SUMF1: variants seen among roughly 807,000 people sequenced by gnomAD.
The protein encoded by SUMF1 is formylglycine-generating enzyme.
SUMF1 carries 48 observed loss-of-function variants against 47.6 expected under a neutral mutation model. That is an observed-to-expected ratio of 1.01 (90% CI 0.80 to 1.28). The LOEUF (loss-of-function observed/expected upper bound fraction) is 1.28, where lower values mean the gene tolerates loss of function less well. SUMF1 is among the 50% of genes most tolerant of loss of function. The pLI is 0.00. For missense variants in SUMF1, 571 were observed against 485.4 expected, an observed-to-expected ratio of 1.18 and a Z score of -1.66; for synonymous variants, 230 against 192.1, an observed-to-expected ratio of 1.20 and a Z score of -1.63.
chr3:4,155,130 C>T (rs1353249145), intron 8 of SUMF1, among the ~76,000 whole-genome samples: 1 of 151,504 alleles, frequency 6.6e-6, no homozygotes, highest in East Asian at 1.9e-4. Context: ...AACCTTCTTT[C>T]TATAGCTCCT....
At chr3:4,098,151 G>C (rs1436717105) in intron 8 of SUMF1, among the ~76,000 whole-genome samples, 1 of 152,086 alleles carries the variant, frequency 6.6e-6, no homozygotes, top group Non-Finnish European at 1.5e-5. Context: ...AGTTCACTGA[G>C]AAGTAGTGGG....
At chr3:4,059,497 A>T (rs1559434274) in intron 9 of SUMF1, among the ~76,000 whole-genome samples, 1 of 152,174 alleles carries the variant, frequency 6.6e-6, no homozygotes, top group Non-Finnish European at 1.5e-5. Context: ...AGTTCTGCCT[A>T]TGACTGAATA....
chr3:4,133,556 G>T (rs1693843651), intron 8 of SUMF1, among the ~76,000 whole-genome samples: 1 of 152,056 alleles, frequency 6.6e-6, no homozygotes, highest in Non-Finnish European at 1.5e-5. Context: ...CCTTAATCTG[G>T]GTGGGCACAA....
At chr3:4,174,445 C>G (rs1307240251) in intron 8 of SUMF1, among the ~76,000 whole-genome samples, 1 of 151,686 alleles carries the variant, frequency 6.6e-6, no homozygotes, top group Non-Finnish European at 1.5e-5. Context: ...GCCTGTTATC[C>G]CAGGGGATAA....
intron 9 of SUMF1, among the ~76,000 whole-genome samples, chr3:4,041,677 G>T (rs1271713910): frequency 1.3e-5 from 2 of 152,172 alleles, no homozygotes; most frequent in African/African-American, 4.8e-5. Context: ...CATTCTACAG[G>T]TAAGTTACAA....
At chr3:4,291,940 A>G (rs1697750247) in intron 8 of SUMF1, among the ~76,000 whole-genome samples, 1 of 152,144 alleles carries the variant, frequency 6.6e-6, no homozygotes. Context: ...CAGCTACCTC[A>G]TCCCAATGCT....
intron 9 of SUMF1, among the ~76,000 whole-genome samples, chr3:4,038,221 C>T (rs995977025): frequency 5.3e-5 from 8 of 152,110 alleles, no homozygotes; most frequent in Non-Finnish European, 8.8e-5. Context: ...CCTGGGGGCT[C>T]CACCCCAGAG....
intron 7 of SUMF1, among the ~76,000 whole-genome samples, chr3:4,383,305 G>A (rs1019924169): frequency 6.6e-6 from 1 of 152,112 alleles, no homozygotes; most frequent in African/African-American, 2.4e-5. Context: ...CTTGAACCCG[G>A]GAGGCGGAGG....
chr3:4,219,638 T>G (rs1314855097), intron 8 of SUMF1, among the ~76,000 whole-genome samples: 2 of 152,144 alleles, frequency 1.3e-5, no homozygotes, highest in Non-Finnish European at 2.9e-5. Flanking sequence ...TTTCCACCAT[T>G]TGAGTTTACT....
chr3:4,338,127 C>A (rs1324338552), intron 8 of SUMF1, among the ~76,000 whole-genome samples: 1 of 152,076 alleles, frequency 6.6e-6, no homozygotes, highest in African/African-American at 2.4e-5. Context: ...GAGCTTGGCA[C>A]AGTGGTGCAT....
At chr3:4,414,409 T>TGC (rs1559284149) in intron 6 of SUMF1, among the ~76,000 whole-genome samples, 55 of 152,338 alleles carry the variant, frequency 3.6e-4, no homozygotes, top group African/African-American at 1.3e-3. Context: ...GTCCATCTCA[T>TGC]TATCAAAGTT....
chr3:4,234,982 G>A (rs757622433), intron 8 of SUMF1, among the ~76,000 whole-genome samples: 8 of 152,068 alleles, frequency 5.3e-5, no homozygotes, highest in East Asian at 1.9e-4. Context: ...TAACAGGAAC[G>A]TAACATTGAC....
At chr3:4,193,451 G>A (rs1695363779) in intron 8 of SUMF1, among the ~76,000 whole-genome samples, 1 of 152,124 alleles carries the variant, frequency 6.6e-6, no homozygotes, top group Non-Finnish European at 1.5e-5. Flanking sequence ...AGTGCAGGTG[G>A]ACTGGGGACA....
At chr3:4,209,067 T>A (rs1418128589) in intron 8 of SUMF1, among the ~76,000 whole-genome samples, 2 of 152,142 alleles carry the variant, frequency 1.3e-5, no homozygotes, top group Admixed American at 1.3e-4. Context: ...CAGTATGATT[T>A]CTTCCTTAAA....
intron 8 of SUMF1, among the ~76,000 whole-genome samples, chr3:4,372,361 A>C (rs1700195329): frequency 6.6e-6 from 1 of 152,220 alleles, no homozygotes; most frequent in African/African-American, 2.4e-5. Context: ...AAAATAAGTC[A>C]TCATCTAAAA....
At chr3:4,197,080 A>G (rs1695444240) in intron 8 of SUMF1, among the ~76,000 whole-genome samples, 1 of 152,142 alleles carries the variant, frequency 6.6e-6, no homozygotes, top group African/African-American at 2.4e-5. Flanking sequence ...TTGGAAATGA[A>G]TTCTATAAGG....
chr3:4,062,405 T>A (rs1559436515), intron 9 of SUMF1, among the ~76,000 whole-genome samples: 1 of 152,154 alleles, frequency 6.6e-6, no homozygotes, highest in Non-Finnish European at 1.5e-5. Flanking sequence ...GTAACACAAG[T>A]AAAAGTTACC....
At chr3:4,380,205 G>A (rs544721899) in intron 7 of SUMF1, among the ~76,000 whole-genome samples, 2 of 152,232 alleles carry the variant, frequency 1.3e-5, no homozygotes, top group African/African-American at 4.8e-5. Context: ...TAAAGAAAAC[G>A]TGGTACATAT....
intron 7 of SUMF1, among the ~76,000 whole-genome samples, chr3:4,392,068 T>G (rs1487883124): frequency 6.6e-6 from 1 of 152,098 alleles, no homozygotes; most frequent in African/African-American, 2.4e-5. Flanking sequence ...GCTCAAGCGA[T>G]CCACTCGCCT....
Sources: gnomAD v4.1 joint callset for allele counts (sites outside exome capture counted in the v4.1 genomes callset) on GRCh38, gnomAD v4.1.1 for gene constraint, MANE v1.5 for transcripts, NCBI Gene and HGNC (gene_info 2026-07-23, HGNC 2026-07-21) for gene names.